Variants in VWA8 observed in about 807,000 individuals in gnomAD.
The protein encoded by VWA8 is von Willebrand factor A domain containing 8.
In VWA8, 221 loss-of-function variants were observed where a neutral mutation model predicts 241.5. The ratio of observed to expected loss-of-function variants is 0.91; its 90% CI spans 0.82 to 1.02. The LOEUF (loss-of-function observed/expected upper bound fraction) is 1.02. Among genes scored for constraint, VWA8 ranks in the 50% least tolerant of loss-of-function variants. VWA8 has a pLI of 0.00. For missense variants in VWA8, 2,322 were observed against 2,328.7 expected, an observed-to-expected ratio of 1.00 and a Z score of 0.06; for synonymous variants, 852 against 827.1, an observed-to-expected ratio of 1.03 and a Z score of -0.52.
chr13:41,703,822 G>T (rs1198049910), intron 26 of VWA8, among the ~76,000 whole-genome samples: 1 of 146,356 alleles, frequency 6.8e-6, no homozygotes, highest in Non-Finnish European at 1.5e-5. Flanking sequence ...TTGTTGCCCA[G>T]ACTGGAGTGC....
chr13:41,571,760 C>T (rs184508947), intron 43 of VWA8, among the ~76,000 whole-genome samples: 86 of 152,366 alleles, frequency 5.6e-4, no homozygotes, highest in Admixed American at 9.8e-4. Context: ...AGCCTCTACC[C>T]GGCCGCCACC....
intron 42 of VWA8, among the ~76,000 whole-genome samples, chr13:41,586,162 T>TAA (rs59043149): frequency 1.3e-4 from 17 of 135,166 alleles, no homozygotes; most frequent in African/African-American, 4.0e-4. Flanking sequence ...CCATAAAGCA[T>TAA]AAAAAAAAAA....
At chr13:41,813,032 A>G (rs1029248051) in intron 16 of VWA8, among the ~76,000 whole-genome samples, 1 of 152,174 alleles carries the variant, frequency 6.6e-6, no homozygotes, top group Non-Finnish European at 1.5e-5. Context: ...CAAGTAGAAC[A>G]TGAGGAAATG....
intron 14 of VWA8, among the ~76,000 whole-genome samples, chr13:41,824,915 C>T (rs1341267329): frequency 6.6e-6 from 1 of 151,152 alleles, no homozygotes; most frequent in Non-Finnish European, 1.5e-5. Flanking sequence ...ACTGAGAATG[C>T]TCAGTATATC....
At chr13:41,576,512 G>T (rs2044351323) in intron 42 of VWA8, among the ~76,000 whole-genome samples, 1 of 152,162 alleles carries the variant, frequency 6.6e-6, no homozygotes, top group African/African-American at 2.4e-5. Context: ...GAAAAAATTT[G>T]GTTGAAATTG....
chr13:41,685,119 G>C lies in VWA8; in HGVS notation c.4255C>G (p.Leu1419Val). ...GTPKQSNCVTLLDTNQVVRIL... is the reference protein window; with the variant it reads ...GTPKQSNCVTVLDTNQVVRIL... ...CTCACTACCTGATTCGTATCTAAAAGAGTCACACAATTGCTTTGTTTTGGA... is the reference window on the plus strand; with the variant it reads ...CTCACTACCTGATTCGTATCTAAAACAGTCACACAATTGCTTTGTTTTGGA... The change falls in exon 35 of 45, where the codon CTT becomes GTT. Residue 1419 changes from leucine (L) to valine (V), a missense_variant. Coordinates refer to ENST00000379310, the MANE Select transcript of VWA8 (RefSeq NM_015058.2). The C allele has an allele frequency of 6.2e-7, 1 of 1,613,586 alleles. No individual in the cohort carries two copies. Among genetic ancestry groups the C allele is most frequent in the Non-Finnish European group, 8.5e-7 (1 of 1,179,730 alleles).
intron 37 of VWA8, among the ~76,000 whole-genome samples, chr13:41,654,824 A>G (rs975455900): frequency 2.6e-5 from 4 of 152,226 alleles, no homozygotes; most frequent in African/African-American, 9.6e-5. Context: ...TCACTGGCCT[A>G]TAAGTCTTCA....
chr13:41,847,001 G>A (rs141513959), intron 12 of VWA8, among the ~76,000 whole-genome samples: 1 of 152,054 alleles, frequency 6.6e-6, no homozygotes, highest in Admixed American at 6.6e-5. Flanking sequence ...ACTCCAGCCT[G>A]GATGACACAG....
Position 41,689,347 on chromosome 13 carries a change from T to G in VWA8, c.4131+7A>C, listed in dbSNP as rs780065859. Reference sequence around the variant, plus strand: ...TTTATCCGATAATTTAAAAAATGGGTGCTTACCATGAGATCTGGAAAACCA... The same window carrying G: ...TTTATCCGATAATTTAAAAAATGGGGGCTTACCATGAGATCTGGAAAACCA... On this transcript the variant is annotated splice_region_variant and intron_variant, in intron 34 of 44. Transcript: ENST00000379310. The G allele has an allele frequency of 6.2e-7, 1 of 1,605,184 alleles. No homozygotes were observed. The highest frequency in any genetic ancestry group is 8.5e-7 in the Non-Finnish European group (1 of 1,176,300).
At chr13:41,915,801 C>T (rs1406092611) in intron 2 of VWA8, among the ~76,000 whole-genome samples, 2 of 152,182 alleles carry the variant, frequency 1.3e-5, no homozygotes, top group South Asian at 2.1e-4. Flanking sequence ...ACTTCTGAAT[C>T]CCATGGCTGG....
At chr13:41,588,143 T>C (rs1342912780) in intron 41 of VWA8, among the ~76,000 whole-genome samples, 1 of 152,190 alleles carries the variant, frequency 6.6e-6, no homozygotes. Context: ...AGGCCACAGG[T>C]AATGTCAGAT....
intron 12 of VWA8, among the ~76,000 whole-genome samples, chr13:41,854,208 T>G (rs1872644029): frequency 6.6e-6 from 1 of 152,140 alleles, no homozygotes; most frequent in South Asian, 2.1e-4. Flanking sequence ...AGTTGTTGCC[T>G]AAAAACATTT....
At chr13:41,918,842 A>G (rs1348574111) in intron 2 of VWA8, among the ~76,000 whole-genome samples, 8 of 152,206 alleles carry the variant, frequency 5.3e-5, no homozygotes, top group South Asian at 2.1e-4. Context: ...TTTTTAAAAC[A>G]CTAGATACGT....
Position 41,732,169 on chromosome 13 carries a change from A to T in VWA8, c.2427-14T>A, listed in dbSNP as rs377204995. 5.2e-5 allele frequency: 83 copies of T among 1,604,692 alleles called. 1 individual carries two copies. Among genetic ancestry groups the T allele is most frequent in the Non-Finnish European group, 6.1e-5 (72 of 1,174,278 alleles). ...ACTGTGGTATCCCTAAAGTAAAACC[A>T]ACACATTTTATAGTTAGGAAGGAAA... On this transcript the variant is annotated splice_polypyrimidine_tract_variant and intron_variant, in intron 21 of 44. Coordinates refer to ENST00000379310, the MANE Select transcript of VWA8 (RefSeq NM_015058.2).
chr13:41,868,512 T>C (rs1420737094), intron 9 of VWA8, 35 bp from the exon 10 acceptor site: 7 of 1,596,412 alleles, frequency 4.4e-6, no homozygotes, highest in Non-Finnish European at 6.0e-6. Context: ...CAATTTACTT[T>C]TCATTTTAGC....
At chr13:41,892,869 A>G (rs1317273946) in intron 4 of VWA8, among the ~76,000 whole-genome samples, 1 of 152,112 alleles carries the variant, frequency 6.6e-6, no homozygotes, top group African/African-American at 2.4e-5. Flanking sequence ...TCACCTCCCA[A>G]TAGTCCAAGC....
chr13:41,914,202 A>C lies in VWA8; in HGVS notation c.242-2034T>G, dbSNP rs188909582. Among the ~76,000 whole-genome samples the C allele has an allele frequency of 3.2e-3, 494 of 152,380 alleles. 1 individual carries two copies. The highest frequency in any genetic ancestry group is 5.6e-3 in the Non-Finnish European group (384 of 68,030). ...AGTGAGACTCCATCTCTAAAAGGACACAGTACATAAGCAGATATATAACAT... is the reference window on the plus strand; with the variant it reads ...AGTGAGACTCCATCTCTAAAAGGACCCAGTACATAAGCAGATATATAACAT... On this transcript the variant is annotated intron_variant, in intron 2 of 44. Transcript: ENST00000379310.
intron 9 of VWA8, among the ~76,000 whole-genome samples, chr13:41,882,013 C>T (rs903551490): frequency 6.8e-5 from 10 of 147,974 alleles, no homozygotes; most frequent in Admixed American, 1.3e-4. Flanking sequence ...TCAGATGGGG[C>T]GGCTTCCGGG....
At chr13:41,801,141 AATTTATTTTT>A (rs1188745300) in intron 17 of VWA8, among the ~76,000 whole-genome samples, 5 of 141,016 alleles carry the variant, frequency 3.5e-5, no homozygotes, top group African/African-American at 1.3e-4. Flanking sequence ...TTAGTTTTTC[AATTTATTTTT>A]ATTTATTTTT....
Sources: allele counts gnomAD v4.1 joint callset (sites outside exome capture counted in the v4.1 genomes callset), GRCh38; gene constraint gnomAD v4.1.1; transcripts MANE v1.5; gene names NCBI Gene and HGNC (gene_info 2026-07-23, HGNC 2026-07-21).